Variants in GPR155 observed in about 807,000 individuals in gnomAD.
The protein encoded by GPR155 is lysosomal cholesterol signaling protein.
Under a neutral mutation model 93.1 loss-of-function variants are expected in GPR155, and 65 were observed. That is an observed-to-expected ratio of 0.70 (90% CI 0.57 to 0.86). GPR155 has a LOEUF of 0.86. Ranked by LOEUF, GPR155 falls within the 40% of genes least tolerant of loss-of-function variation. The probability of loss-of-function intolerance (pLI) is 0.00; values close to 1 mark genes in which losing one functional copy is unlikely to be tolerated. For synonymous variants in GPR155, 319 were observed against 360.1 expected (o/e 0.89, Z 1.29); for missense variants, 838 against 1,034.8 (o/e 0.81, Z 2.61).
At chr2:174,465,409 T>G (rs1045916703) in intron 7 of GPR155, among the ~76,000 whole-genome samples, 31 of 152,154 alleles carry the variant, frequency 2.0e-4, no homozygotes, top group African/African-American at 7.2e-4. Flanking sequence ...AGCCAGAATT[T>G]CCCTGTTCAG....
chr2:174,442,283 AC>A (rs1686989007), intron 13 of GPR155, 100 bp from the exon 14 acceptor site: 1 of 679,690 alleles, frequency 1.5e-6, no homozygotes, highest in African/African-American at 1.8e-5. Context: ...GAGGAGACAA[AC>A]CTATAGTGAC....
At chr2:174,467,762 G>A (rs1687881202) in intron 5 of GPR155, among the ~76,000 whole-genome samples, 1 of 152,016 alleles carries the variant, frequency 6.6e-6, no homozygotes, top group African/African-American at 2.4e-5. Context: ...TTCTTTGTGT[G>A]TGTGTGAGAC....
In GPR155 at chr2:174,453,988, AGTATTCAAAT is replaced by A. The variant is rs1336391017; in HGVS notation, c.1772-157_1772-148del. ...AGTTTTCACATGGTATCTATCCAAA[AGTATTCAAAT>A]GTTCTCACTCATATACAAAATAAAA... On this transcript the variant is annotated intron_variant, in intron 10 of 15. Coordinates refer to ENST00000392552, the MANE Select transcript of GPR155 (RefSeq NM_152529.7). 2.3e-5 allele frequency: 14 copies of A among 615,696 alleles called. No homozygotes were observed. In the East Asian group the frequency reaches 3.5e-4, roughly 16 times the overall value. 38.1% of individuals were successfully genotyped at this position (615,696 alleles called of 1,614,324 possible).
At chr2:174,448,737 C>T (rs185957936) in intron 11 of GPR155, among the ~76,000 whole-genome samples, 10,277 of 151,378 alleles carry the variant, frequency 0.068, 1,132 homozygotes, top group African/African-American at 0.23. Flanking sequence ...CGGGGTTTCA[C>T]CTTGTTAGCC....
At chr2:174,485,334 C>T (rs1054329493) in intron 1 of GPR155, among the ~76,000 whole-genome samples, 1 of 152,138 alleles carries the variant, frequency 6.6e-6, no homozygotes, top group African/African-American at 2.4e-5. Flanking sequence ...CAGTGGCTCA[C>T]GCCTGTAATC....
chr2:174,454,635 A>G (rs1446566955), intron 10 of GPR155, among the ~76,000 whole-genome samples: 1 of 143,268 alleles, frequency 7.0e-6, no homozygotes, highest in Non-Finnish European at 1.5e-5. Flanking sequence ...AGAAGGAAGG[A>G]AGGAAGGAAG....
In GPR155 at chr2:174,469,982, C is replaced by T. The variant is rs1687946273; in HGVS notation, c.1026+408G>A. Among the ~76,000 whole-genome samples, 4 of 152,306 alleles carry T rather than the reference C, an allele frequency of 2.6e-5. No homozygotes were observed. In the South Asian group the frequency reaches 8.3e-4, roughly 32 times the overall value. On this transcript the variant is annotated intron_variant, in intron 4 of 15. Transcript: ENST00000392552. The stretch of plus-strand genomic sequence containing the variant: ...GTTCAAACAAATCTTGTGCCTCAGC[C>T]ACCCAAGTAGCTGGGATTACAGGCA...
rs1687843455 is a variant in GPR155 at position 174,466,576 on chromosome 2, G to A, written c.1234C>T (p.His412Tyr). ...ATGAGTAAATTAGTTGTAAGCATATGAGGAAGCTGTTTATATTTCTTACTC... is the reference window on the plus strand; with the variant it reads ...ATGAGTAAATTAGTTGTAAGCATATAAGGAAGCTGTTTATATTTCTTACTC... Reference protein sequence around the residue: ...LLSKKYKQLPHMLTTNLLIAQ... With the variant: ...LLSKKYKQLPYMLTTNLLIAQ... The change falls in exon 6 of 16, where the codon CAT becomes TAT. Residue 412 changes from histidine (H) to tyrosine (Y), a missense_variant. Transcript: ENST00000392552. The A allele has an allele frequency of 6.3e-7, 1 of 1,589,776 alleles. No homozygotes were observed. Among genetic ancestry groups the A allele is most frequent in the East Asian group, 2.2e-5 (1 of 44,536 alleles).
chr2:174,485,810 T>TAA lies in GPR155; in HGVS notation c.-32+1061_-32+1062dup, dbSNP rs149883998. 2.7e-5 allele frequency among the ~76,000 whole-genome samples: 4 copies of TAA among 150,862 alleles called. No homozygotes were observed. In the South Asian group the frequency reaches 6.3e-4, roughly 24 times the overall value. Reference sequence around the variant, plus strand: ...ACAGGAACCACAGCAAGGGAAGTTTTAAAAAAAAAATTACATCCAGCCTTT... The same window carrying TAA: ...ACAGGAACCACAGCAAGGGAAGTTTTAAAAAAAAAAAATTACATCCAGCCTTT... On this transcript the variant is annotated intron_variant, in intron 1 of 15. Coordinates refer to ENST00000392552, the MANE Select transcript of GPR155 (RefSeq NM_152529.7).
chr2:174,471,714 A>G (rs1018856339), intron 3 of GPR155, among the ~76,000 whole-genome samples: 12 of 152,168 alleles, frequency 7.9e-5, no homozygotes, highest in Non-Finnish European at 1.8e-4. Context: ...AACTACTCTG[A>G]TCTGTACTTT....
At position 174,433,627 on chromosome 2, in the gene GPR155, G is replaced by A. The variant is rs1411338660; in HGVS notation, c.*2489C>T. ...TGAGAGGTTATTAGATCATGAGGGTGGAGCCTATTGAGTGGAATTAATGTC... is the reference window on the plus strand; with the variant it reads ...TGAGAGGTTATTAGATCATGAGGGTAGAGCCTATTGAGTGGAATTAATGTC... On this transcript the variant is annotated 3_prime_UTR_variant, in exon 16 of 16. Coordinates refer to ENST00000392552, the MANE Select transcript of GPR155 (RefSeq NM_152529.7). 7.2e-6 allele frequency: 1 copy of A among 138,270 alleles called. No homozygotes were observed. The allele number at this position is 138,270 out of a possible 1,614,324, so 8.6% of individuals were successfully genotyped here.
At chr2:174,466,973 A>G (rs971737060) in intron 5 of GPR155, among the ~76,000 whole-genome samples, 4 of 152,080 alleles carry the variant, frequency 2.6e-5, no homozygotes, top group African/African-American at 9.7e-5. Context: ...CCTGGCCAAC[A>G]TGACGAAACC....
At chr2:174,455,871 C>T (rs1253259638) in intron 10 of GPR155, among the ~76,000 whole-genome samples, 1 of 152,034 alleles carries the variant, frequency 6.6e-6, no homozygotes, top group Non-Finnish European at 1.5e-5. Flanking sequence ...GATGAAGTTT[C>T]GCTCTGTCAC....
chr2:174,474,383 AC>A (rs1229076836), intron 2 of GPR155, among the ~76,000 whole-genome samples: 3 of 152,212 alleles, frequency 2.0e-5, no homozygotes, highest in African/African-American at 7.2e-5. Context: ...CAGTGGAGAT[AC>A]TTAAGGAGTA....
At chr2:174,438,657 G>A (rs1419791737) in intron 15 of GPR155, among the ~76,000 whole-genome samples, 1 of 152,002 alleles carries the variant, frequency 6.6e-6, no homozygotes, top group Admixed American at 6.6e-5. Context: ...ACAGGCGCCC[G>A]CCAACACACC....
chr2:174,486,654 C>A (rs1383702762), intron 1 of GPR155, among the ~76,000 whole-genome samples: 2 of 152,172 alleles, frequency 1.3e-5, no homozygotes, highest in Non-Finnish European at 2.9e-5. Flanking sequence ...GACGAGACAC[C>A]CCCTCCCCCG....
At chr2:174,449,030 C>T (rs1213770873) in intron 11 of GPR155, among the ~76,000 whole-genome samples, 4 of 151,976 alleles carry the variant, frequency 2.6e-5, no homozygotes, top group Non-Finnish European at 5.9e-5. Context: ...GGAACTTAAA[C>T]AATTGAACAA....
At chr2:174,467,955 C>T (rs1313439873) in intron 5 of GPR155, among the ~76,000 whole-genome samples, 2 of 152,102 alleles carry the variant, frequency 1.3e-5, no homozygotes, top group Admixed American at 6.6e-5. Flanking sequence ...AGGCTGGTCT[C>T]GAACTCCTGG....
chr2:174,454,429 G>A (rs1327967104), intron 10 of GPR155, among the ~76,000 whole-genome samples: 1 of 152,130 alleles, frequency 6.6e-6, no homozygotes, highest in Non-Finnish European at 1.5e-5. Flanking sequence ...GAGCCACCAT[G>A]CCCAGCCGAG....
Sources: gnomAD v4.1 joint callset for allele counts (sites outside exome capture counted in the v4.1 genomes callset) on GRCh38, gnomAD v4.1.1 for gene constraint, MANE v1.5 for transcripts, NCBI Gene and HGNC (gene_info 2026-07-23, HGNC 2026-07-21) for gene names.